VPS39: variants seen among roughly 807,000 people sequenced by gnomAD.
VPS39 encodes vam6/Vps39-like protein.
A neutral mutation model predicts 121.0 loss-of-function variants in VPS39; 70 were observed. That is an observed-to-expected ratio of 0.58 (90% CI 0.48 to 0.71). VPS39 has a LOEUF of 0.71. Ranked by LOEUF, VPS39 falls within the 30% of genes least tolerant of loss-of-function variation. The pLI is 0.00. For synonymous variants in VPS39, 378 were observed against 398.1 expected (o/e 0.95, Z 0.60); for missense variants, 818 against 1,051.5 (o/e 0.78, Z 3.07).
At chr15:42,170,728 C>G (rs1410254186) in intron 11 of VPS39, among the ~76,000 whole-genome samples, 1 of 133,820 alleles carries the variant, frequency 7.5e-6, no homozygotes, top group Non-Finnish European at 1.6e-5. Flanking sequence ...GGTGTTCTCA[C>G]AGATGCTCGC....
intron 7 of VPS39, among the ~76,000 whole-genome samples, chr15:42,187,017 T>C (rs1290634773): frequency 1.3e-5 from 2 of 152,236 alleles, no homozygotes. Context: ...CTTCATTATC[T>C]GTCCCAATAG....
intron 10 of VPS39, among the ~76,000 whole-genome samples, chr15:42,175,409 G>GAAA (rs772876964): frequency 1.7e-5 from 2 of 119,762 alleles, no homozygotes; most frequent in African/African-American, 3.0e-5. Context: ...TCTGTCTCGG[G>GAAA]AAAAAAAAAA....
chr15:42,165,532 G>T (rs1052533575), intron 17 of VPS39, 186 bp downstream of exon 17: 1 of 549,146 alleles, frequency 1.8e-6, no homozygotes, highest in Non-Finnish European at 3.2e-6. Context: ...AGTTTACCTA[G>T]ATTTGGTAGG....
At chr15:42,184,469 A>G in intron 8 of VPS39, 48 bp downstream of exon 8, 1 of 1,541,228 alleles carries the variant, frequency 6.5e-7, no homozygotes, top group Non-Finnish European at 8.7e-7. Context: ...CAGGAATGGC[A>G]CACAACCTCA....
chr15:42,163,393 T>C lies in VPS39; in HGVS notation c.2132A>G (p.Tyr711Cys). The change falls in exon 21 of 25, where the codon TAC becomes TGC. Residue 711 changes from tyrosine (Y) to cysteine (C), a missense_variant and splice_region_variant. Tyr to Cys is a radical substitution (Grantham distance 194). Transcript: ENST00000318006. ...GTTTCGGTCATAGTGTTTGTGGCAG[T>C]ACCTGCAAGGGAGAGAGTGGTGAGA... Reference protein sequence around the residue: ...ILKDTRMAEEYCHKHYDRNKD... With the variant: ...ILKDTRMAEECCHKHYDRNKD... 1 of 1,614,192 alleles carries C rather than the reference T, an allele frequency of 6.2e-7. No homozygotes were observed. The highest frequency in any genetic ancestry group is 8.5e-7 in the Non-Finnish European group (1 of 1,180,016).
chr15:42,181,778 C>T (rs1248549467), intron 8 of VPS39, among the ~76,000 whole-genome samples: 12 of 151,906 alleles, frequency 7.9e-5, no homozygotes, highest in East Asian at 7.7e-4. Context: ...GGTGTGATCA[C>T]GGCTTACTGC....
chr15:42,165,145 A>T lies in VPS39; in HGVS notation c.1780-32T>A, dbSNP rs532500106. The T allele has an allele frequency of 1.1e-5, 18 of 1,602,706 alleles. No individual in the cohort carries two copies. In the Admixed American group the frequency reaches 2.3e-4, roughly 21 times the overall value. Reference sequence around the variant, plus strand: ...CAAGATGTAGGTCTTTGTCACTGGTATTCTCCAGGCTGTGACCTGGTCTCC... The same window carrying T: ...CAAGATGTAGGTCTTTGTCACTGGTTTTCTCCAGGCTGTGACCTGGTCTCC... On this transcript the variant is annotated intron_variant, in intron 17 of 24. Coordinates refer to ENST00000318006, the MANE Select transcript of VPS39 (RefSeq NM_015289.5).
At position 42,178,253 on chromosome 15, in the gene VPS39, G is replaced by T. The variant is rs2049497878; in HGVS notation, c.925C>A (p.Gln309Lys). ...AGAGCCAATTCAAACTGCTTGTCCT[G>T]GAGAAGTTGTTGGATTTGGGTTGCC... ...PMATQIQQLLQDKQFELALQL... is the reference protein window; with the variant it reads ...PMATQIQQLLKDKQFELALQL... The change falls in exon 10 of 25, where the codon CAG becomes AAG. Residue 309 changes from glutamine (Q) to lysine (K), a missense_variant. By Grantham distance (53) the Gln-to-Lys change is moderately conservative. Transcript: ENST00000318006. 6.2e-7 allele frequency: 1 copy of T among 1,614,050 alleles called. No individual in the cohort carries two copies. The highest frequency in any genetic ancestry group is 8.5e-7 in the Non-Finnish European group (1 of 1,180,048).
intron 5 of VPS39, among the ~76,000 whole-genome samples, chr15:42,188,801 T>TA (rs1476302839): frequency 6.6e-6 from 1 of 151,716 alleles, no homozygotes; most frequent in East Asian, 1.9e-4. Flanking sequence ...ATCTCTAATT[T>TA]AAAAAAATAC....
chr15:42,207,333 G>C (rs181723184), intron 1 of VPS39, among the ~76,000 whole-genome samples: 383 of 152,276 alleles, frequency 2.5e-3, no homozygotes, highest in Middle Eastern at 0.014. Flanking sequence ...TATCAAACCA[G>C]TCACTCACGG....
intron 10 of VPS39, 76 bp from the exon 11 acceptor site, chr15:42,173,928 G>C: frequency 6.5e-6 from 10 of 1,546,114 alleles, no homozygotes; most frequent in South Asian, 3.5e-5. Flanking sequence ...TGTTAGAGAA[G>C]ATGCTAGGAG....
At chr15:42,208,021 G>A in intron 1 of VPS39, 60 bp downstream of exon 1, 2 of 1,538,492 alleles carry the variant, frequency 1.3e-6, no homozygotes, top group East Asian at 2.4e-5. Flanking sequence ...CCCGGCCTCA[G>A]AAAAGATCCG....
chr15:42,170,484 G>A (rs77152700), intron 11 of VPS39, among the ~76,000 whole-genome samples: 5,559 of 152,242 alleles, frequency 0.037, 98 homozygotes, highest in African/African-American at 0.042. Context: ...GCATGGGCAA[G>A]AGTGGAGACC....
intron 2 of VPS39, among the ~76,000 whole-genome samples, chr15:42,195,176 C>G (rs2049910802): frequency 6.6e-6 from 1 of 152,136 alleles, no homozygotes; most frequent in African/African-American, 2.4e-5. Flanking sequence ...CACAGTGGCT[C>G]ATGCCTGTAA....
At chr15:42,178,600 TC>T (rs767941438) in intron 8 of VPS39, 30 bp from the exon 9 acceptor site, 1 of 1,612,690 alleles carries the variant, frequency 6.2e-7, no homozygotes, top group South Asian at 1.1e-5. Flanking sequence ...CAGCAGTTGT[TC>T]CGGTCTAAGG....
intron 10 of VPS39, among the ~76,000 whole-genome samples, chr15:42,176,713 T>C (rs2049458458): frequency 6.6e-6 from 1 of 152,154 alleles, no homozygotes; most frequent in African/African-American, 2.4e-5. Flanking sequence ...CCAGAACATA[T>C]ATGTCCAAAG....
intron 15 of VPS39, 62 bp downstream of exon 15, chr15:42,166,501 A>C: frequency 6.4e-7 from 1 of 1,573,770 alleles, no homozygotes; most frequent in Non-Finnish European, 8.7e-7. Flanking sequence ...AAACAGAAAC[A>C]GAGGGAGACC....
chr15:42,162,231 G>A, intron 22 of VPS39, 65 bp from the exon 23 acceptor site: 2 of 1,608,578 alleles, frequency 1.2e-6, no homozygotes, highest in Non-Finnish European at 1.7e-6. Flanking sequence ...AGAAATGTCT[G>A]CAGCCGTGGA....
chr15:42,202,204 A>G (rs1393751246), intron 1 of VPS39, among the ~76,000 whole-genome samples: 1 of 152,214 alleles, frequency 6.6e-6, no homozygotes, highest in Non-Finnish European at 1.5e-5. Context: ...ACAGGTCAGC[A>G]CCTACATTCC....
Sources: allele counts gnomAD v4.1 joint callset (sites outside exome capture counted in the v4.1 genomes callset), GRCh38; gene constraint gnomAD v4.1.1; transcripts MANE v1.5; gene names NCBI Gene and HGNC (gene_info 2026-07-23, HGNC 2026-07-21).